The following PRRC2C variants were observed in gnomAD, a reference collection of about 807,000 sequenced individuals.
PRRC2C encodes the protein proline rich coiled-coil 2C.
In PRRC2C, 72 loss-of-function variants were observed where a neutral mutation model predicts 317.2. The observed-to-expected ratio is 0.23, with a 90% CI of 0.19 to 0.28. The LOEUF is 0.28. Among genes scored for constraint, PRRC2C ranks in the 10% least tolerant of loss-of-function variants. PRRC2C has a pLI of 1.00. For missense variants in PRRC2C, 3,074 were observed against 3,459.7 expected (o/e 0.89, Z 2.80); for synonymous variants, 1,296 against 1,205.9 (o/e 1.07, Z -1.55).
At chr1:171,520,797 CTTT>C (rs61220175) in intron 6 of PRRC2C, among the ~76,000 whole-genome samples, 3 of 109,322 alleles carry the variant, frequency 2.7e-5, no homozygotes, top group Admixed American at 1.1e-4. Context: ...ATTTCTTCTC[CTTT>C]TTTTTTTTTT....
chr1:171,587,611 TAAAG>T, intron 31 of PRRC2C, 33 bp from the exon 32 acceptor site: 1 of 1,417,002 alleles, frequency 7.1e-7, no homozygotes, highest in Non-Finnish European at 9.9e-7. Context: ...CTTGTGGAAT[TAAAG>T]AAATGTTAAG....
At chr1:171,523,582 T>C in intron 9 of PRRC2C, 60 bp downstream of exon 9, 1 of 1,333,294 alleles carries the variant, frequency 7.5e-7, no homozygotes, top group East Asian at 2.4e-5. Flanking sequence ...TATTAGCTAC[T>C]TATGCAAAGA....
chr1:171,565,764 G>C (rs1236875855), intron 20 of PRRC2C, among the ~76,000 whole-genome samples: 4 of 152,126 alleles, frequency 2.6e-5, no homozygotes, highest in African/African-American at 9.7e-5. Context: ...CTGTTTAATT[G>C]GTGGATTGAT....
rs1463199006 is a variant in PRRC2C, at chr1:171,541,045, T to C, written c.3579T>C (p.Gly1193=). 2.5e-6 allele frequency: 4 copies of C among 1,612,334 alleles called. No individual in the cohort carries two copies. In the African/African-American group the frequency reaches 4.0e-5, roughly 16 times the overall value. The change falls in exon 16 of 35, where the codon GGT becomes GGC. Residue 1193 remains glycine (G), a synonymous_variant. Coordinates refer to ENST00000647382, the MANE Select transcript of PRRC2C (RefSeq NM_001387844.1). This position sits in a 1 kb window ranked among gnomAD's most constrained non-coding sequence, Gnocchi z 4.1. ...PDQGYRGRGR[G]EYYSRGRSYR... ...AAGGATACAGAGGTCGAGGCCGAGG[T>C]GAATATTACTCCAGAGGTCGAAGCT...
Position 171,566,717 on chromosome 1 carries a change from A to C in PRRC2C, c.6432A>C (p.Pro2144=), listed in dbSNP as rs1179276871. 1 of 1,613,804 alleles carries C rather than the reference A, an allele frequency of 6.2e-7. No individual in the cohort carries two copies. Among genetic ancestry groups the C allele is most frequent in the Non-Finnish European group, 8.5e-7 (1 of 1,179,798 alleles). Residue 2144 remains proline (P), a synonymous_variant, in exon 22 of 35, where the codon CCA becomes CCC. Transcript: ENST00000647382. ...QQVEPEGQEK[P]SPATVRSTDP... Reference sequence around the variant, plus strand: ...TGGAGCCAGAAGGACAAGAGAAACCAAGCCCAGCTACAGTCAGAAGCACAG... The same window carrying C: ...TGGAGCCAGAAGGACAAGAGAAACCCAGCCCAGCTACAGTCAGAAGCACAG...
rs373193280 is a variant in PRRC2C, at chr1:171,535,481, A to G, written c.1927A>G (p.Thr643Ala). The G allele has an allele frequency of 2.5e-6, 4 of 1,613,972 alleles. No individual in the cohort carries two copies. The South Asian group carries it at 4.4e-5, about 18-fold the overall frequency. ...CAGCAATCGCAGTGAAAAGGAAGCC[A>G]CACCAGTGGTGCATGAAACAGAACC... ...QDSNRSEKEA[T>A]PVVHETEPES... The change falls in exon 13 of 35, where the codon ACA becomes GCA. Residue 643 changes from threonine (T) to alanine (A), a missense_variant. Transcript: ENST00000647382.
intron 19 of PRRC2C, among the ~76,000 whole-genome samples, chr1:171,559,534 T>TTTTTTTTTTTTTTTTTG (rs1682218701): frequency 1.3e-5 from 1 of 77,510 alleles, no homozygotes; most frequent in African/African-American, 5.1e-5. Context: ...TTTTTTTTTT[T>TTTTTTTTTTTTTTTTTG]TTTTTTGAGA....
At chr1:171,563,160 A>G (rs1317198195) in intron 20 of PRRC2C, among the ~76,000 whole-genome samples, 1 of 152,080 alleles carries the variant, frequency 6.6e-6, no homozygotes, top group Non-Finnish European at 1.5e-5. Flanking sequence ...AAATGAAAGG[A>G]AAGATGAGTA....
intron 7 of PRRC2C, 58 bp downstream of exon 7, chr1:171,522,317 A>T: frequency 8.3e-7 from 1 of 1,204,806 alleles, no homozygotes; most frequent in Non-Finnish European, 1.2e-6. Flanking sequence ...AGATTTCCTG[A>T]AGGTTGAGTG....
Position 171,592,120 on chromosome 1 carries a change from C to A in PRRC2C, c.*273C>A. 3.1e-6 allele frequency: 1 copy of A among 321,374 alleles called. No individual in the cohort carries two copies. Among genetic ancestry groups the A allele is most frequent in the Non-Finnish European group, 5.6e-6 (1 of 177,414 alleles). The allele number at this position is 321,374 out of a possible 1,614,324, so 19.9% of individuals were successfully genotyped here. On this transcript the variant is annotated 3_prime_UTR_variant, in exon 35 of 35. Coordinates refer to ENST00000647382, the MANE Select transcript of PRRC2C (RefSeq NM_001387844.1). The stretch of plus-strand genomic sequence containing the variant: ...GAATTTATATATAAATGTATGCACC[C>A]ATTTTTTTGAGTGCATATAATTTAG...
chr1:171,556,610 C>G (rs1681470856), intron 18 of PRRC2C, among the ~76,000 whole-genome samples: 1 of 152,138 alleles, frequency 6.6e-6, no homozygotes, highest in Non-Finnish European at 1.5e-5. Context: ...ATATCGTATG[C>G]TAGGGACACC....
At chr1:171,537,620 T>C in intron 15 of PRRC2C, 147 bp downstream of exon 15, 2 of 753,408 alleles carry the variant, frequency 2.7e-6, no homozygotes, top group Non-Finnish European at 4.2e-6. Context: ...GCTTACTCTT[T>C]GGACATATTC....
At chr1:171,505,672 G>A (rs968250277) in intron 1 of PRRC2C, among the ~76,000 whole-genome samples, 3 of 152,168 alleles carry the variant, frequency 2.0e-5, no homozygotes, top group African/African-American at 7.2e-5. Context: ...GGAACAGAAG[G>A]GCAAGCATAC....
intron 28 of PRRC2C, among the ~76,000 whole-genome samples, chr1:171,580,554 A>G (rs953191089): frequency 6.6e-6 from 1 of 152,242 alleles, no homozygotes; most frequent in African/African-American, 2.4e-5. Flanking sequence ...CCTTTCACAT[A>G]CATTAACTAA....
Position 171,524,980 on chromosome 1 carries a change from T to A in PRRC2C, c.1200+15T>A. The stretch of plus-strand genomic sequence containing the variant: ...CATTTAATCAGGTTTGTTGGACTCA[T>A]GGAGATCCTTGTTATTGCAAGGATC... On this transcript the variant is annotated intron_variant, in intron 10 of 34. Coordinates refer to ENST00000647382, the MANE Select transcript of PRRC2C (RefSeq NM_001387844.1). 1 of 1,563,858 alleles carries A rather than the reference T, an allele frequency of 6.4e-7. No homozygotes were observed. Among genetic ancestry groups the A allele is most frequent in the Non-Finnish European group, 8.7e-7 (1 of 1,151,036 alleles).
intron 18 of PRRC2C, among the ~76,000 whole-genome samples, chr1:171,551,215 GTGA>G (rs1464978316): frequency 6.6e-6 from 1 of 152,130 alleles, no homozygotes; most frequent in African/African-American, 2.4e-5. Context: ...TCTCTGACCA[GTGA>G]TGATGATCAT....
chr1:171,582,757 G>C (rs955105513), intron 28 of PRRC2C, among the ~76,000 whole-genome samples: 2 of 151,574 alleles, frequency 1.3e-5, no homozygotes, highest in Non-Finnish European at 2.9e-5. Context: ...GAGCTTGCAG[G>C]ACTGGCAGTT....
chr1:171,527,918 TTTTA>T, intron 11 of PRRC2C, 74 bp downstream of exon 11: 1 of 1,280,146 alleles, frequency 7.8e-7, no homozygotes, highest in Non-Finnish European at 1.1e-6. Context: ...ACACCAAATT[TTTTA>T]TTCAAAACTT....
rs1665860288 is a variant in PRRC2C at position 171,485,555 on chromosome 1, G to T, written c.-238G>T. ...GCCATCTTGCTTCTTTTTCTCGCTCGCTCGCTCCCCCTCGGAAAGCTGCGA... is the reference window on the plus strand; with the variant it reads ...GCCATCTTGCTTCTTTTTCTCGCTCTCTCGCTCCCCCTCGGAAAGCTGCGA... On this transcript the variant is annotated 5_prime_UTR_variant, in exon 1 of 35. Transcript: ENST00000647382. The T allele has an allele frequency of 6.6e-6, 1 of 152,668 alleles. No homozygotes were observed. 9.5% of individuals were successfully genotyped at this position (152,668 alleles called of 1,614,324 possible).
Sources: allele counts gnomAD v4.1 joint callset (sites outside exome capture counted in the v4.1 genomes callset), GRCh38; gene constraint gnomAD v4.1.1; non-coding constraint Gnocchi (gnomAD v3.1); transcripts MANE v1.5; gene names NCBI Gene and HGNC (gene_info 2026-07-23, HGNC 2026-07-21).